IL22: variants seen among roughly 807,000 people sequenced by gnomAD.
IL22 encodes the protein interleukin-22.
In IL22, 15 loss-of-function variants were observed where a neutral mutation model predicts 15.5. The ratio of observed to expected loss-of-function variants is 0.97; its 90% CI spans 0.65 to 1.49. The LOEUF is 1.49. Ranked by LOEUF, IL22 falls within the 40% of genes most tolerant of loss-of-function variation. The probability of loss-of-function intolerance (pLI) is 0.00; values close to 1 mark genes in which losing one functional copy is unlikely to be tolerated. For synonymous variants in IL22, 91 were observed against 82.0 expected (o/e 1.11, Z -0.60); for missense variants, 225 against 215.4 (o/e 1.04, Z -0.28).
chr12:68,249,980 C>T (rs1263116627), intron 5 of IL22, among the ~76,000 whole-genome samples: 1 of 152,080 alleles, frequency 6.6e-6, no homozygotes, highest in Admixed American at 6.6e-5. Context: ...ATTTTACTAC[C>T]AACCTGCGTT....
At position 68,251,756 on chromosome 12, in the gene IL22, C is replaced by A. The variant is rs543132825; in HGVS notation, c.397-178G>T. 2.0e-5 allele frequency among the ~76,000 whole-genome samples: 3 copies of A among 152,254 alleles called. No individual in the cohort carries two copies. The East Asian group carries it at 5.8e-4, about 29-fold the overall frequency. ...CTGAGCTCTTGAATTCCCTTGGACG[C>A]CAGAATCCAGTCACTTCCCTTACAA... On this transcript the variant is annotated intron_variant, in intron 4 of 5. Coordinates refer to ENST00000538666, the MANE Select transcript of IL22 (RefSeq NM_020525.5).
chr12:68,249,820 T>C (rs1869865442), intron 5 of IL22, among the ~76,000 whole-genome samples: 3 of 152,218 alleles, frequency 2.0e-5, no homozygotes, highest in South Asian at 2.1e-4. Flanking sequence ...CTCTGTATAA[T>C]ACATGGTTCT....
At chr12:68,249,940 A>T (rs1446795344) in intron 5 of IL22, among the ~76,000 whole-genome samples, 1 of 152,150 alleles carries the variant, frequency 6.6e-6, no homozygotes, top group Non-Finnish European at 1.5e-5. Flanking sequence ...AAGAATTTTA[A>T]AGTTTATCGT....
At chr12:68,249,024 T>C (rs1055323575) in intron 5 of IL22, 148 bp from the exon 6 acceptor site, 20 of 645,416 alleles carry the variant, frequency 3.1e-5, no homozygotes, top group Admixed American at 8.1e-5. Context: ...CCTTTAGTAT[T>C]GTATGATTTG....
chr12:68,252,874 GA>G (rs763260635), intron 2 of IL22, 45 bp from the exon 3 acceptor site: 8 of 1,530,666 alleles, frequency 5.2e-6, no homozygotes, highest in Non-Finnish European at 7.2e-6. Context: ...TGAGCAAATA[GA>G]AAAAAAATTT....
intron 5 of IL22, among the ~76,000 whole-genome samples, chr12:68,250,838 T>A (rs1012356): frequency 0.46 from 69,964 of 151,996 alleles, 16,369 homozygotes; most frequent in South Asian, 0.61. Flanking sequence ...CCATTTAACT[T>A]TAATAAATCT....
At chr12:68,250,885 A>G (rs1466402000) in intron 5 of IL22, among the ~76,000 whole-genome samples, 1 of 152,192 alleles carries the variant, frequency 6.6e-6, no homozygotes, top group East Asian at 1.9e-4. Flanking sequence ...ACCTGTATAA[A>G]AGAGATCGGG....
At chr12:68,251,449 G>A (rs769063854) in intron 5 of IL22, 64 bp downstream of exon 5, 97 of 1,201,678 alleles carry the variant, frequency 8.1e-5, no homozygotes, top group Middle Eastern at 1.9e-4. Context: ...AAGAAAGAAA[G>A]GAAAGAAAAA....
rs573709941 is a variant in IL22 at position 68,252,448 on chromosome 12, C to A, written c.396+56G>T. The A allele has an allele frequency of 6.9e-6, 11 of 1,586,386 alleles. No homozygotes were observed. In the African/African-American group the frequency reaches 1.5e-4, roughly 21 times the overall value. On this transcript the variant is annotated intron_variant, in intron 4 of 5. Transcript: ENST00000538666. ...GGAGAGAGAGTTGGGGTAAGGGGGT[C>A]TCTGTGGAAGGAGGGAAGGAGGGGT...
intron 2 of IL22, 73 bp downstream of exon 2, chr12:68,253,190 T>A (rs781626507): frequency 9.8e-6 from 13 of 1,320,424 alleles, no homozygotes; most frequent in Non-Finnish European, 1.4e-5. Flanking sequence ...TTAGAGATGC[T>A]CTGAAGAAAA....
At chr12:68,250,746 T>A (rs1418692045) in intron 5 of IL22, among the ~76,000 whole-genome samples, 1 of 152,096 alleles carries the variant, frequency 6.6e-6, no homozygotes, top group Non-Finnish European at 1.5e-5. Flanking sequence ...CCTAGGGATT[T>A]GTTGAGGGAG....
rs750997917 is a variant in IL22, at chr12:68,253,354, G to A, written c.95C>T (p.Ala32Val). ...LLLALLVQGG[A>V]AAPISSHCRL... ...GCAGTGGGAGCTGATGGGCGCAGCT[G>A]CTCCTCCCTGTACCAAGAGGGCCAA... The change falls in exon 2 of 6, where the codon GCA becomes GTA. Residue 32 changes from alanine (A) to valine (V), a missense_variant. Ala to Val is a moderately conservative substitution (Grantham distance 64). Coordinates refer to ENST00000538666, the MANE Select transcript of IL22 (RefSeq NM_020525.5). The A allele has an allele frequency of 6.2e-7, 1 of 1,613,760 alleles. No homozygotes were observed. The highest frequency in any genetic ancestry group is 8.5e-7 in the Non-Finnish European group (1 of 1,179,800).
intron 4 of IL22, 22 bp downstream of exon 4, chr12:68,252,482 A>G (rs766265724): frequency 1.2e-6 from 2 of 1,612,762 alleles, no homozygotes; most frequent in Admixed American, 3.3e-5. Context: ...GTAGGTGGGC[A>G]TAGGCTGAGA....
chr12:68,251,747 C>T (rs1263815513), intron 4 of IL22, among the ~76,000 whole-genome samples, 169 bp from the exon 5 acceptor site: 1 of 152,106 alleles, frequency 6.6e-6, no homozygotes, highest in Non-Finnish European at 1.5e-5. Context: ...TCTTGAATTC[C>T]CTTGGACGCC....
At chr12:68,251,230 T>A (rs1185629949) in intron 5 of IL22, among the ~76,000 whole-genome samples, 1 of 152,080 alleles carries the variant, frequency 6.6e-6, no homozygotes, top group African/African-American at 2.4e-5. Context: ...TCAGGAGACC[T>A]GCATTCTAGC....
chr12:68,251,015 TTC>T (rs1236349148), intron 5 of IL22, among the ~76,000 whole-genome samples: 3 of 152,200 alleles, frequency 2.0e-5, no homozygotes, highest in African/African-American at 7.2e-5. Context: ...TTTCTCATTG[TTC>T]TGAGTTTATT....
In IL22 at chr12:68,252,454, G is replaced by C. The variant is rs193141507; in HGVS notation, c.396+50C>G. 6 of 1,598,082 alleles carry C rather than the reference G, an allele frequency of 3.8e-6. No homozygotes were observed. The East Asian group carries it at 6.7e-5, about 18-fold the overall frequency. On this transcript the variant is annotated intron_variant, in intron 4 of 5. Transcript: ENST00000538666. Reference sequence around the variant, plus strand: ...AGAGTTGGGGTAAGGGGGTCTCTGTGGAAGGAGGGAAGGAGGGGTAGGTGG... The same window carrying C: ...AGAGTTGGGGTAAGGGGGTCTCTGTCGAAGGAGGGAAGGAGGGGTAGGTGG...
intron 5 of IL22, 134 bp downstream of exon 5, chr12:68,251,379 G>A (rs1275638422): frequency 2.9e-6 from 2 of 690,068 alleles, no homozygotes; most frequent in Non-Finnish European, 5.3e-6. Context: ...TACATACACA[G>A]ACACCAAAGT....
At chr12:68,252,455 G>A (rs768425277) in intron 4 of IL22, 49 bp downstream of exon 4, 148 of 1,599,570 alleles carry the variant, frequency 9.3e-5, no homozygotes, top group Middle Eastern at 2.0e-4. Context: ...GGTCTCTGTG[G>A]AAGGAGGGAA....
Sources: allele counts gnomAD v4.1 joint callset (sites outside exome capture counted in the v4.1 genomes callset), GRCh38; gene constraint gnomAD v4.1.1; transcripts MANE v1.5; gene names NCBI Gene and HGNC (gene_info 2026-07-23, HGNC 2026-07-21).